Variants in COL4A4 observed in about 807,000 individuals in gnomAD.
COL4A4 encodes the protein collagen type IV alpha 4 chain.
A neutral mutation model predicts 192.9 loss-of-function variants in COL4A4; 105 were observed. The observed-to-expected ratio is 0.54, with a 90% CI of 0.46 to 0.64. The LOEUF (loss-of-function observed/expected upper bound fraction) is 0.64. Among genes scored for constraint, COL4A4 ranks in the 30% least tolerant of loss-of-function variants. COL4A4 has a pLI of 0.00. For synonymous variants in COL4A4, 762 were observed against 769.9 expected (o/e 0.99, Z 0.17); for missense variants, 1,967 against 2,169.3 (o/e 0.91, Z 1.85).
intron 19 of COL4A4, among the ~76,000 whole-genome samples, chr2:227,096,059 T>C (rs2150709959): frequency 6.6e-6 from 1 of 152,316 alleles, no homozygotes; most frequent in South Asian, 2.1e-4. Flanking sequence ...CATCCTCTTG[T>C]TGAACTTTGA....
At chr2:227,150,519 A>C (rs1195909635) in intron 1 of COL4A4, among the ~76,000 whole-genome samples, 1 of 152,142 alleles carries the variant, frequency 6.6e-6, no homozygotes, top group Non-Finnish European at 1.5e-5. Context: ...TATAATAAAA[A>C]TTTTTTAACT....
intron 33 of COL4A4, among the ~76,000 whole-genome samples, chr2:227,050,603 T>C (rs1303057331): frequency 2.0e-5 from 3 of 152,150 alleles, no homozygotes; most frequent in African/African-American, 7.2e-5. Context: ...GAAGACGAAA[T>C]ATATTGAAAG....
intron 37 of COL4A4, among the ~76,000 whole-genome samples, chr2:227,036,462 A>G (rs1179775665): frequency 6.6e-6 from 1 of 152,180 alleles, no homozygotes; most frequent in Non-Finnish European, 1.5e-5. Flanking sequence ...ATACCCACTC[A>G]GGCCCAGGCA....
At chr2:226,988,909 A>G in the COL4A4 span, among the ~76,000 whole-genome samples, 1 of 152,228 alleles carries the variant, frequency 6.6e-6, no homozygotes, top group Non-Finnish European at 1.5e-5. Flanking sequence ...AGTTATCCAA[A>G]ATAAAGCCTT....
intron 20 of COL4A4, among the ~76,000 whole-genome samples, chr2:227,092,830 A>T: frequency 6.6e-6 from 1 of 152,180 alleles, no homozygotes; most frequent in Non-Finnish European, 1.5e-5. Flanking sequence ...ATGTCGGGTG[A>T]GGGGTTGGTG....
chr2:227,041,846 A>AAGAAAG (rs1559478097), intron 37 of COL4A4, among the ~76,000 whole-genome samples: 4 of 39,302 alleles, frequency 1.0e-4, no homozygotes, highest in African/African-American at 5.4e-4. Context: ...GAAAGAAAGA[A>AAGAAAG]AGAGAAAGAA....
the COL4A4 span, chr2:226,988,475 G>C: frequency 6.5e-7 from 1 of 1,545,420 alleles, no homozygotes; most frequent in Non-Finnish European, 8.7e-7. Context: ...CAGGGTCCCT[G>C]TAGTGGAGTT....
the COL4A4 span, among the ~76,000 whole-genome samples, chr2:226,993,533 T>C: frequency 6.6e-6 from 1 of 152,240 alleles, no homozygotes; most frequent in Non-Finnish European, 1.5e-5. Context: ...AATATGTAAT[T>C]TCAAAGCATT....
intron 43 of COL4A4, chr2:227,022,530 G>C (rs1295209422): frequency 1.8e-6 from 1 of 548,724 alleles, no homozygotes; most frequent in Non-Finnish European, 3.7e-6. Flanking sequence ...TACTGGAGTA[G>C]CAGCCACAGG....
chr2:227,033,820 C>A (rs572135890), intron 37 of COL4A4, among the ~76,000 whole-genome samples: 1 of 152,236 alleles, frequency 6.6e-6, no homozygotes, highest in Non-Finnish European at 1.5e-5. Context: ...AATCACCCTA[C>A]ATGAGGAAAG....
downstream of COL4A4, among the ~76,000 whole-genome samples, chr2:227,000,132 ATTAT>A (rs1162045996): frequency 1.3e-5 from 2 of 152,226 alleles, no homozygotes; most frequent in Non-Finnish European, 2.9e-5. Context: ...GTAGCAGATA[ATTAT>A]TAATGGAATT....
At chr2:227,093,352 A>G (rs1176964875) in intron 20 of COL4A4, among the ~76,000 whole-genome samples, 2 of 152,240 alleles carry the variant, frequency 1.3e-5, no homozygotes, top group Non-Finnish European at 2.9e-5. Context: ...AGATGTAGGT[A>G]TACTTAAATG....
chr2:227,059,387 A>C lies in COL4A4; in HGVS notation c.2383+18T>G. The C allele has an allele frequency of 6.2e-7, 1 of 1,607,068 alleles. No homozygotes were observed. Among genetic ancestry groups the C allele is most frequent in the African/African-American group, 1.3e-5 (1 of 74,896 alleles). On this transcript the variant is annotated intron_variant, in intron 28 of 47. Transcript: ENST00000396625. ...TGAGCCAGCTCTATGCACCAAAAGG[A>C]CAGCAAAGCCCTCATACCTTCAGCC...
At position 227,031,933 on chromosome 2, in the gene COL4A4, A is replaced by C; in HGVS notation, c.3817+12T>G. On this transcript the variant is annotated intron_variant, in intron 40 of 47. Transcript: ENST00000396625. Reference sequence around the variant, plus strand: ...GGGAGCACTGCCATCCTTTGTCATGATTCTCTCATACCTCTTGGGCCATCA... The same window carrying C: ...GGGAGCACTGCCATCCTTTGTCATGCTTCTCTCATACCTCTTGGGCCATCA... 1.3e-6 allele frequency: 2 copies of C among 1,550,536 alleles called. No individual in the cohort carries two copies. The highest frequency in any genetic ancestry group is 1.8e-6 in the Non-Finnish European group (2 of 1,122,136).
Position 227,072,114 on chromosome 2 carries a change from C to G in COL4A4, c.1987+5780G>C, listed in dbSNP as rs754799862. Among the ~76,000 whole-genome samples, 65 of 151,684 alleles carry G rather than the reference C, an allele frequency of 4.3e-4. 1 individual carries two copies. Among genetic ancestry groups the G allele is most frequent in the Non-Finnish European group, 8.1e-4 (55 of 67,786 alleles). On this transcript the variant is annotated intron_variant, in intron 25 of 47. Transcript: ENST00000396625. The stretch of plus-strand genomic sequence containing the variant: ...AATGAATAAAAAGCTAGTTAAAAAG[C>G]CGTTTCCTTGAAAAAATAAACAAAA...
rs1284690918 is a variant in COL4A4 at position 227,121,045 on chromosome 2, G to A, written c.296C>T (p.Pro99Leu). 20 of 1,614,120 alleles carry A rather than the reference G, an allele frequency of 1.2e-5. No individual in the cohort carries two copies. The highest frequency in any genetic ancestry group is 1.6e-5 in the Non-Finnish European group (19 of 1,180,020). Residue 99 changes from proline (P) to leucine (L), a missense_variant, in exon 5 of 48, where the codon CCT (proline) becomes CTT (leucine). Physicochemically the swap from Pro to Leu is moderately conservative, Grantham distance 98. Transcript: ENST00000396625. ...GEKGMRGDRGPPGAAGDKGDK... is the reference protein window; with the variant it reads ...GEKGMRGDRGLPGAAGDKGDK... ...TCCTTTGTCCCCTGCTGCTCCAGGA[G>A]GGCCGCGGTCCCCTCTCATTCCTTT...
chr2:227,036,774 G>A (rs1188294957), intron 37 of COL4A4, among the ~76,000 whole-genome samples: 1 of 152,084 alleles, frequency 6.6e-6, no homozygotes, highest in East Asian at 1.9e-4. Context: ...AAGTGCTGTG[G>A]GGGAAGGGCA....
rs71036155 is a variant in COL4A4 at position 227,047,731 on chromosome 2, CCACACACACACA to C, written c.3215-194_3215-183del. Among the ~76,000 whole-genome samples the C allele has an allele frequency of 6.0e-3, 884 of 146,340 alleles. 9 individuals carry two copies. The highest frequency in any genetic ancestry group is 0.021 in the African/African-American group (832 of 39,656). ...ATAGATGCAAGATGCAATTTACATACCACACACACACACACACACACACACACACACGGTTTT... is the reference window on the plus strand; with the variant it reads ...ATAGATGCAAGATGCAATTTACATACCACACACACACACACACACGGTTTT... On this transcript the variant is annotated intron_variant, in intron 34 of 47. Coordinates refer to ENST00000396625, the MANE Select transcript of COL4A4 (RefSeq NM_000092.5).
At chr2:227,041,864 A>AGAGAGAG (rs1559478704) in intron 37 of COL4A4, among the ~76,000 whole-genome samples, 2 of 109,348 alleles carry the variant, frequency 1.8e-5, no homozygotes, top group African/African-American at 8.0e-5. Flanking sequence ...GAAAGAAAGA[A>AGAGAGAG]AGAAAGAAAG....
Sources: gnomAD v4.1 joint callset for allele counts (sites outside exome capture counted in the v4.1 genomes callset) on GRCh38, gnomAD v4.1.1 for gene constraint, MANE v1.5 for transcripts, NCBI Gene and HGNC (gene_info 2026-07-23, HGNC 2026-07-21) for gene names.